Variants in ATP8B4 observed in about 807,000 individuals in gnomAD.
ATP8B4 encodes the protein probable phospholipid-transporting ATPase IM.
ATP8B4 carries 133 observed loss-of-function variants against 145.6 expected under a neutral mutation model. The ratio of observed to expected loss-of-function variants is 0.91; its 90% CI spans 0.79 to 1.05. The LOEUF (loss-of-function observed/expected upper bound fraction) is 1.05, where lower values mean the gene tolerates loss of function less well. Ranked by LOEUF, ATP8B4 falls within the 50% of genes least tolerant of loss-of-function variation. The pLI is 0.00. For missense variants in ATP8B4, 1,458 were observed against 1,425.2 expected (o/e 1.02, Z -0.37); for synonymous variants, 507 against 492.9 (o/e 1.03, Z -0.38).
chr15:49,940,148 G>C (rs184199722), intron 14 of ATP8B4, among the ~76,000 whole-genome samples: 1 of 152,200 alleles, frequency 6.6e-6, no homozygotes, highest in Admixed American at 6.5e-5. Flanking sequence ...AATCAACCCA[G>C]GTGCCATCAA....
chr15:49,940,236 C>A (rs1363841447), intron 14 of ATP8B4, among the ~76,000 whole-genome samples: 1 of 152,068 alleles, frequency 6.6e-6, no homozygotes, highest in Non-Finnish European at 1.5e-5. Context: ...TGAAATCATG[C>A]CCTTTGTAGC....
At chr15:49,912,398 G>T (rs1216162397) in intron 20 of ATP8B4, among the ~76,000 whole-genome samples, 2 of 152,114 alleles carry the variant, frequency 1.3e-5, no homozygotes, top group African/African-American at 4.8e-5. Context: ...ACAACTATAT[G>T]CTAACTAACA....
chr15:49,996,850 G>T, intron 8 of ATP8B4, 91 bp from the exon 9 acceptor site: 1 of 927,422 alleles, frequency 1.1e-6, no homozygotes. Flanking sequence ...CACATGCAAA[G>T]CCAAACCCAA....
At chr15:50,124,010 C>T (rs1170756737), upstream of ATP8B4, among the ~76,000 whole-genome samples, 1 of 152,188 alleles carries the variant, frequency 6.6e-6, no homozygotes, top group Non-Finnish European at 1.5e-5. Context: ...CAGCAGGTGA[C>T]AGGAGTACAG....
At chr15:49,931,556 T>C (rs1169519198) in intron 15 of ATP8B4, among the ~76,000 whole-genome samples, 1 of 152,076 alleles carries the variant, frequency 6.6e-6, no homozygotes, top group East Asian at 1.9e-4. Context: ...TTTCTGAGTC[T>C]GCCTCTTCAC....
rs1476341227 is a variant in ATP8B4, at chr15:49,979,640, A to T, written c.1011T>A (p.Val337=). The T allele has an allele frequency of 1.3e-6, 2 of 1,563,234 alleles. No individual in the cohort carries two copies. Among genetic ancestry groups the T allele is most frequent in the East Asian group, 4.5e-5 (2 of 44,370 alleles). Residue 337 remains valine (V), a synonymous_variant, in exon 12 of 28, where the codon GTT becomes GTA. Coordinates refer to ENST00000284509, the MANE Select transcript of ATP8B4 (RefSeq NM_024837.4). ...FWSYIIILNT[V]VPISLYVSVE... ...ACCTCACATATAAGGAAATGGGTACAACTGTATTGAGAATAATAATATATG... is the reference window on the plus strand; with the variant it reads ...ACCTCACATATAAGGAAATGGGTACTACTGTATTGAGAATAATAATATATG...
chr15:49,937,251 T>C (rs2041817046), intron 14 of ATP8B4, among the ~76,000 whole-genome samples: 1 of 152,162 alleles, frequency 6.6e-6, no homozygotes, highest in African/African-American at 2.4e-5. Flanking sequence ...CGTTTCACTT[T>C]AGGGTGAATG....
At chr15:50,038,977 C>A (rs1266890219) in intron 5 of ATP8B4, 148 bp from the exon 6 acceptor site, 2 of 656,710 alleles carry the variant, frequency 3.0e-6, no homozygotes, top group African/African-American at 1.8e-5. Flanking sequence ...GTGAACCCAG[C>A]TCTACATGTT....
At chr15:50,056,923 G>C (rs765656339) in intron 3 of ATP8B4, among the ~76,000 whole-genome samples, 6 of 151,680 alleles carry the variant, frequency 4.0e-5, no homozygotes, top group African/African-American at 1.5e-4. Context: ...ACAGAGTCTC[G>C]CTATGTTGCC....
Position 50,069,976 on chromosome 15 carries a change from T to C in ATP8B4, c.87+4151A>G, listed in dbSNP as rs151136906. On this transcript the variant is annotated intron_variant, in intron 3 of 27. Transcript: ENST00000284509. ...TCTGTGTGACCCTGAGCAAGTCACT[T>C]AAGTGAGATCTCAATGGCTTAACAT... Among the ~76,000 whole-genome samples the C allele has an allele frequency of 3.9e-5, 6 of 152,320 alleles. No homozygotes were observed. In the East Asian group the frequency reaches 1.2e-3, roughly 29 times the overall value.
intron 16 of ATP8B4, among the ~76,000 whole-genome samples, chr15:49,925,390 T>C (rs896658650): frequency 7.2e-5 from 11 of 152,106 alleles, no homozygotes; most frequent in African/African-American, 2.7e-4. Flanking sequence ...GTCACGTGGC[T>C]TCTGCAAAAC....
At chr15:50,043,845 C>T (rs530163087) in intron 5 of ATP8B4, among the ~76,000 whole-genome samples, 349 of 149,976 alleles carry the variant, frequency 2.3e-3, no homozygotes, top group Non-Finnish European at 4.1e-3. Context: ...CCCAGCTACT[C>T]GGGAGGCTGA....
rs553704202 is a variant in ATP8B4, at chr15:49,981,384, A to T, written c.749-90T>A. 1.7e-5 allele frequency: 17 copies of T among 990,618 alleles called. No individual in the cohort carries two copies. In the African/African-American group the frequency reaches 2.1e-4, roughly 12 times the overall value. 61.4% of individuals were successfully genotyped at this position (990,618 alleles called of 1,614,324 possible). A position where few individuals can be genotyped will look rare whatever the true frequency, so the allele number is the denominator to read the frequency against. On this transcript the variant is annotated intron_variant, in intron 10 of 27. Coordinates refer to ENST00000284509, the MANE Select transcript of ATP8B4 (RefSeq NM_024837.4). ...ATATCAAATGTCTCTGAAAGAAAAA[A>T]ATATATATTTTTCACAATAATTTAA...
rs190775223 is a variant in ATP8B4, at chr15:49,869,462, G to T, written c.3028-2978C>A. On this transcript the variant is annotated intron_variant, in intron 25 of 27. Transcript: ENST00000284509. The stretch of plus-strand genomic sequence containing the variant: ...TCAGGCAAATGTAAACTAAAAAAAA[G>T]CAAGAGAAGAAAACTAATATAAAAA... 2.0e-3 allele frequency among the ~76,000 whole-genome samples: 311 copies of T among 151,946 alleles called. 1 individual carries two copies. Among genetic ancestry groups the T allele is most frequent in the African/African-American group, 7.1e-3 (296 of 41,490 alleles).
At chr15:50,085,803 G>C (rs548363198) in intron 2 of ATP8B4, among the ~76,000 whole-genome samples, 1 of 135,512 alleles carries the variant, frequency 7.4e-6, no homozygotes, top group African/African-American at 2.8e-5. Flanking sequence ...ATTTTATTAC[G>C]TATTTCATTT....
chr15:50,013,881 T>TGC (rs1332578426), intron 6 of ATP8B4, among the ~76,000 whole-genome samples: 1 of 152,196 alleles, frequency 6.6e-6, no homozygotes, highest in Admixed American at 6.5e-5. Context: ...TACTAAGAGC[T>TGC]GCTAGACTTC....
rs569361522 is a variant in ATP8B4, at chr15:50,011,865, T to C, written c.363-948A>G. 1.1e-4 allele frequency among the ~76,000 whole-genome samples: 17 copies of C among 152,142 alleles called. No individual in the cohort carries two copies. In the South Asian group the frequency reaches 3.3e-3, roughly 30 times the overall value. ...AGTAGAGCAGGTTTGCCCAACAAGTTGAGGTGGACAGGTTAATTTCATTGT... is the reference window on the plus strand; with the variant it reads ...AGTAGAGCAGGTTTGCCCAACAAGTCGAGGTGGACAGGTTAATTTCATTGT... On this transcript the variant is annotated intron_variant, in intron 6 of 27. Transcript: ENST00000284509.
chr15:49,972,280 TAAAG>T (rs1318766994), intron 13 of ATP8B4, among the ~76,000 whole-genome samples: 4 of 152,130 alleles, frequency 2.6e-5, no homozygotes, highest in Non-Finnish European at 4.4e-5. Context: ...ATAATAATAA[TAAAG>T]AATCACACAG....
At chr15:50,153,110 TA>T (rs1156787630) in intron 1 of ATP8B4, among the ~76,000 whole-genome samples, 1 of 152,054 alleles carries the variant, frequency 6.6e-6, no homozygotes, top group African/African-American at 2.4e-5. Context: ...TTGGAAAAAG[TA>T]AGAGCATGTG....
Sources: allele counts gnomAD v4.1 joint callset (sites outside exome capture counted in the v4.1 genomes callset), GRCh38; gene constraint gnomAD v4.1.1; transcripts MANE v1.5; gene names NCBI Gene and HGNC (gene_info 2026-07-23, HGNC 2026-07-21).